Variants in FCRL5 observed in about 807,000 individuals in gnomAD.
FCRL5 encodes the protein Fc receptor like 5.
In FCRL5, 79 loss-of-function variants were observed where a neutral mutation model predicts 92.1. The ratio of observed to expected loss-of-function variants is 0.86; its 90% CI spans 0.72 to 1.03. FCRL5 has a LOEUF of 1.03. FCRL5 is among the 50% of genes least tolerant of loss of function. The probability of loss-of-function intolerance (pLI) is 0.00; values close to 1 mark genes in which losing one functional copy is unlikely to be tolerated. For synonymous variants in FCRL5, 466 were observed against 469.3 expected, an observed-to-expected ratio of 0.99 and a Z score of 0.09; for missense variants, 1,160 against 1,181.1, an observed-to-expected ratio of 0.98 and a Z score of 0.26.
At chr1:157,549,883 T>C (rs1275515973) in intron 1 of FCRL5, among the ~76,000 whole-genome samples, 1 of 152,010 alleles carries the variant, frequency 6.6e-6, no homozygotes, top group Non-Finnish European at 1.5e-5. Context: ...GTAAGTGCAA[T>C]AACAGAAATA....
intron 2 of FCRL5, chr1:157,547,545 G>C (rs991458957): frequency 8.4e-6 from 3 of 357,096 alleles, no homozygotes; most frequent in African/African-American, 4.2e-5. Context: ...AACTCCAAAG[G>C]TTATGTTAAA....
intron 10 of FCRL5, chr1:157,522,756 A>G (rs1650256091): frequency 6.6e-6 from 1 of 152,280 alleles, no homozygotes; most frequent in Admixed American, 6.5e-5. Flanking sequence ...CAGCAGAAAT[A>G]ACATGCATTT....
At chr1:157,544,201 C>T (rs1045089290) in intron 5 of FCRL5, 61 bp downstream of exon 5, 2 of 1,574,750 alleles carry the variant, frequency 1.3e-6, no homozygotes, top group Non-Finnish European at 1.7e-6. Context: ...CGCTGATATG[C>T]AGCCCTGTCC....
chr1:157,535,632 A>G (rs994331214), intron 7 of FCRL5, among the ~76,000 whole-genome samples: 43 of 152,242 alleles, frequency 2.8e-4, no homozygotes, highest in African/African-American at 1.0e-3. Flanking sequence ...TAATGATGAT[A>G]ATGATAAATA....
chr1:157,532,445 T>C (rs1650742398), intron 8 of FCRL5: 1 of 152,244 alleles, frequency 6.6e-6, no homozygotes, highest in Non-Finnish European at 1.5e-5. Flanking sequence ...CCATTCTTTT[T>C]GAATTGTGAA....
At chr1:157,525,786 G>C (rs1650401477) in intron 9 of FCRL5, among the ~76,000 whole-genome samples, 2 of 152,212 alleles carry the variant, frequency 1.3e-5, no homozygotes, top group African/African-American at 4.8e-5. Flanking sequence ...AGACTCCTCT[G>C]TTCCTGCTTT....
At chr1:157,520,328 A>G (rs1650118020) in intron 12 of FCRL5, 103 bp downstream of exon 12, 1 of 769,812 alleles carries the variant, frequency 1.3e-6, no homozygotes, top group Non-Finnish European at 2.2e-6. Context: ...AGAGCGGATG[A>G]GCTCTTGCGA....
chr1:157,528,409 A>G lies in FCRL5; in HGVS notation c.1682-514T>C, dbSNP rs376633281. Reference sequence around the variant, plus strand: ...CTACCAAAAGCAATCTATAACTTCAATGCAATTCCCATCAAAATACCACCA... The same window carrying G: ...CTACCAAAAGCAATCTATAACTTCAGTGCAATTCCCATCAAAATACCACCA... On this transcript the variant is annotated intron_variant, in intron 8 of 16. Coordinates refer to ENST00000361835, the MANE Select transcript of FCRL5 (RefSeq NM_031281.3). 6 of 152,218 alleles carry G rather than the reference A, an allele frequency of 3.9e-5. No homozygotes were observed. The East Asian group carries it at 1.2e-3, about 29-fold the overall frequency. 9.4% of individuals were successfully genotyped at this position (152,218 alleles called of 1,614,324 possible).
At chr1:157,516,103 C>T in intron 15 of FCRL5, 1 of 618,478 alleles carries the variant, frequency 1.6e-6, no homozygotes, top group South Asian at 1.9e-5. Flanking sequence ...TTGTGGCCCA[C>T]TCTGAGCTGC....
intron 7 of FCRL5, among the ~76,000 whole-genome samples, chr1:157,537,516 C>T (rs34975727): frequency 7.2e-5 from 11 of 152,268 alleles, no homozygotes; most frequent in South Asian, 2.1e-4. Context: ...AATTTCGCCC[C>T]GGTCCTGTGG....
intron 3 of FCRL5, among the ~76,000 whole-genome samples, chr1:157,545,419 A>C (rs191060967): frequency 2.4e-4 from 37 of 151,482 alleles, no homozygotes; most frequent in African/African-American, 8.0e-4. Context: ...CCTTTCACTT[A>C]CTATGCTATG....
At chr1:157,518,104 A>G (rs903043260) in intron 15 of FCRL5, among the ~76,000 whole-genome samples, 20 of 152,250 alleles carry the variant, frequency 1.3e-4, no homozygotes, top group African/African-American at 4.8e-4. Context: ...ACTCTGTTAC[A>G]GGAGCCAGAA....
chr1:157,534,574 T>G (rs766632250), intron 8 of FCRL5, 40 bp downstream of exon 8: 1 of 1,613,018 alleles, frequency 6.2e-7, no homozygotes, highest in South Asian at 1.1e-5. Flanking sequence ...GAGAGAGAAC[T>G]CAGCCAGGGG....
rs780208492 is a variant in FCRL5, at chr1:157,519,770, C to G, written c.2633G>C (p.Gly878Ala). 1 of 1,614,002 alleles carries G rather than the reference C, an allele frequency of 6.2e-7. No homozygotes were observed. Among genetic ancestry groups the G allele is most frequent in the Admixed American group, 1.7e-5 (1 of 60,020 alleles). The change falls in exon 13 of 17, where the codon GGG becomes GCG. Residue 878 changes from glycine to alanine, a missense_variant and splice_region_variant. Transcript: ENST00000361835. ...GGCGGGGTCAGAGGCAGGCTTTCTCCCTGTAAAGGAAAGCAGAGGAGCATT... is the reference window on the plus strand; with the variant it reads ...GGCGGGGTCAGAGGCAGGCTTTCTCGCTGTAAAGGAAAGCAGAGGAGCATT... ...LLYCWLSRKA[G>A]RKPASDPARS...
rs150728885 is a variant in FCRL5, at chr1:157,539,038, G to A, written c.1402+48C>T. 4.2e-5 allele frequency: 67 copies of A among 1,590,540 alleles called. No individual in the cohort carries two copies. In the African/African-American group the frequency reaches 7.4e-4, roughly 18 times the overall value. On this transcript the variant is annotated intron_variant, in intron 7 of 16. Coordinates refer to ENST00000361835, the MANE Select transcript of FCRL5 (RefSeq NM_031281.3). ...CTGACTTCTGAAGGGTTGGGTAAGA[G>A]AGGACTCTTGGCCAGGGGTGGGTGA... is the stretch of plus-strand genomic sequence containing the variant.
chr1:157,515,494 A>C lies in FCRL5; in HGVS notation c.*181T>G. 7.4e-7 allele frequency: 1 copy of C among 1,355,364 alleles called. No individual in the cohort carries two copies. Among genetic ancestry groups the C allele is most frequent in the Non-Finnish European group, 1.0e-6 (1 of 989,626 alleles). 84.0% of individuals were successfully genotyped at this position (1,355,364 alleles called of 1,614,324 possible). On this transcript the variant is annotated 3_prime_UTR_variant, in exon 17 of 17. Coordinates refer to ENST00000361835, the MANE Select transcript of FCRL5 (RefSeq NM_031281.3). ...CCTGCCAGTCAGGGCTTTAACTGGG[A>C]AACAGGTGACAGTCCAGCAGGGCCC...
At chr1:157,546,583 T>C (rs942892749) in intron 3 of FCRL5, among the ~76,000 whole-genome samples, 35 of 152,078 alleles carry the variant, frequency 2.3e-4, no homozygotes, top group Non-Finnish European at 5.0e-4. Context: ...GTAAAAAATA[T>C]AAATTGCTGG....
chr1:157,546,897 G>T (rs761119928), intron 3 of FCRL5, 46 bp downstream of exon 3: 2 of 1,592,240 alleles, frequency 1.3e-6, no homozygotes. Context: ...GAGAAACATG[G>T]GCTGAATTGA....
chr1:157,519,680 A>C, intron 13 of FCRL5, 63 bp downstream of exon 13: 1 of 1,556,808 alleles, frequency 6.4e-7, no homozygotes, highest in Non-Finnish European at 8.9e-7. Flanking sequence ...CATCAGATTC[A>C]ATTCCATTTT....
Sources: gnomAD v4.1 joint callset for allele counts (sites outside exome capture counted in the v4.1 genomes callset) on GRCh38, gnomAD v4.1.1 for gene constraint, MANE v1.5 for transcripts, NCBI Gene and HGNC (gene_info 2026-07-23, HGNC 2026-07-21) for gene names.